CDH4: variants seen among roughly 807,000 people sequenced by gnomAD.
CDH4 encodes cadherin-4.
In CDH4, 33 loss-of-function variants were observed where a neutral mutation model predicts 86.0. That is an observed-to-expected ratio of 0.38 (90% confidence interval 0.29 to 0.51). CDH4 has a LOEUF of 0.51. CDH4 is among the 20% of genes least tolerant of loss of function. The pLI, the probability that CDH4 is intolerant of heterozygous loss-of-function variation, is 0.86. For missense variants in CDH4, 1,114 were observed against 1,307.4 expected (o/e 0.85, Z 2.28); for synonymous variants, 555 against 549.4 (o/e 1.01, Z -0.14).
chr20:61,816,369 C>T (rs1367567287), intron 4 of CDH4, among the ~76,000 whole-genome samples: 1 of 152,132 alleles, frequency 6.6e-6, no homozygotes, highest in East Asian at 1.9e-4. Flanking sequence ...AGCTGAGATT[C>T]TTAGGAAAAA....
At chr20:61,641,708 C>T (rs1418785294) in intron 2 of CDH4, among the ~76,000 whole-genome samples, 1 of 37,784 alleles carries the variant, frequency 2.6e-5, no homozygotes, top group African/African-American at 1.4e-4. Context: ...ACCACAGCAC[C>T]CAGGACACCT....
At chr20:61,439,774 G>T (rs2085304811) in intron 2 of CDH4, among the ~76,000 whole-genome samples, 1 of 152,252 alleles carries the variant, frequency 6.6e-6, no homozygotes, top group South Asian at 2.1e-4. Flanking sequence ...CAGAGGGGTA[G>T]GATTCGAGGC....
chr20:61,793,365 G>A (rs1979318249), intron 4 of CDH4, among the ~76,000 whole-genome samples: 1 of 152,178 alleles, frequency 6.6e-6, no homozygotes, highest in East Asian at 1.9e-4. Context: ...ATGGATGGTG[G>A]CCCTCCAAAG....
intron 2 of CDH4, among the ~76,000 whole-genome samples, chr20:61,552,475 G>A (rs1052437124): frequency 5.3e-5 from 8 of 152,192 alleles, no homozygotes; most frequent in East Asian, 1.9e-4. Context: ...CGAGGTGGGC[G>A]GATCACCTGA....
At chr20:61,362,370 T>G (rs1157919855) in intron 2 of CDH4, among the ~76,000 whole-genome samples, 2 of 149,158 alleles carry the variant, frequency 1.3e-5, no homozygotes, top group Non-Finnish European at 3.0e-5. Flanking sequence ...TAGGACAGCA[T>G]AGGGCAGGGC....
intron 6 of CDH4, among the ~76,000 whole-genome samples, chr20:61,872,033 G>T (rs780065947): frequency 6.6e-6 from 1 of 152,194 alleles, no homozygotes; most frequent in East Asian, 1.9e-4. Flanking sequence ...AGGGCGAGGT[G>T]GGGGAGGGGC....
chr20:61,661,252 C>T (rs2087254278), intron 2 of CDH4, among the ~76,000 whole-genome samples: 1 of 152,190 alleles, frequency 6.6e-6, no homozygotes, highest in African/African-American at 2.4e-5. Context: ...GGCCAGCACC[C>T]CCCAGGCTCT....
intron 2 of CDH4, among the ~76,000 whole-genome samples, chr20:61,736,797 A>T (rs934935731): frequency 1.3e-5 from 2 of 151,962 alleles, no homozygotes; most frequent in African/African-American, 2.4e-5. Context: ...TCATGAGGTC[A>T]CCCGGGGCGG....
At chr20:61,463,408 G>A (rs1436702672) in intron 2 of CDH4, among the ~76,000 whole-genome samples, 1 of 152,202 alleles carries the variant, frequency 6.6e-6, no homozygotes, top group Non-Finnish European at 1.5e-5. Context: ...ACCAAGTGAG[G>A]TGAGGCCCCA....
chr20:61,554,832 G>A (rs533348681), intron 2 of CDH4, among the ~76,000 whole-genome samples: 65 of 152,302 alleles, frequency 4.3e-4, no homozygotes, highest in South Asian at 1.0e-3. Flanking sequence ...GAGTATGTTC[G>A]CATCTGTGCA....
At position 61,532,744 on chromosome 20, in the gene CDH4, G is replaced by A. The variant is rs555675763; in HGVS notation, c.170-210819G>A. ...GACGGGTTCTCTGGCCGGGTTCTAG[G>A]GGAGATTGGGGAAGGTGTTTTGGCG... On this transcript the variant is annotated intron_variant, in intron 2 of 15. Coordinates refer to ENST00000614565, the MANE Select transcript of CDH4 (RefSeq NM_001794.5). Among the ~76,000 whole-genome samples the A allele has an allele frequency of 1.5e-3, 232 of 152,298 alleles. 1 individual carries two copies. The highest frequency in any genetic ancestry group is 2.4e-3 in the Non-Finnish European group (166 of 68,016).
At chr20:61,527,147 A>G (rs903682666) in intron 2 of CDH4, among the ~76,000 whole-genome samples, 1 of 152,256 alleles carries the variant, frequency 6.6e-6, no homozygotes, top group Non-Finnish European at 1.5e-5. Context: ...ACCCCTCTGC[A>G]CTTTGACAAG....
At chr20:61,612,132 T>C (rs1463126303) in intron 2 of CDH4, among the ~76,000 whole-genome samples, 1 of 152,138 alleles carries the variant, frequency 6.6e-6, no homozygotes, top group Non-Finnish European at 1.5e-5. Flanking sequence ...TTCAAGTACT[T>C]GCAATAATTT....
chr20:61,311,047 C>T (rs554343533), intron 2 of CDH4, among the ~76,000 whole-genome samples: 14 of 152,300 alleles, frequency 9.2e-5, no homozygotes, highest in East Asian at 1.9e-4. Flanking sequence ...ACAGTGGAGG[C>T]GGGTGGTGTC....
At chr20:61,602,086 T>C (rs2086605533) in intron 2 of CDH4, among the ~76,000 whole-genome samples, 2 of 152,192 alleles carry the variant, frequency 1.3e-5, no homozygotes, top group African/African-American at 2.4e-5. Flanking sequence ...CGCCGTGCCC[T>C]GCTGCCTGGC....
intron 2 of CDH4, among the ~76,000 whole-genome samples, chr20:61,666,036 A>G (rs1412690101): frequency 3.3e-5 from 5 of 152,144 alleles, no homozygotes; most frequent in African/African-American, 1.2e-4. Context: ...ATCCCATACC[A>G]TCCAGCCAGC....
intron 7 of CDH4, among the ~76,000 whole-genome samples, chr20:61,877,898 C>A (rs1048327818): frequency 1.3e-5 from 2 of 152,074 alleles, no homozygotes; most frequent in Non-Finnish European, 2.9e-5. Flanking sequence ...TGTGACAACG[C>A]GTCTTTGGCT....
intron 2 of CDH4, among the ~76,000 whole-genome samples, chr20:61,637,035 G>T (rs985008376): frequency 6.6e-6 from 1 of 152,212 alleles, no homozygotes; most frequent in South Asian, 2.1e-4. Flanking sequence ...GGGTCCATTC[G>T]GGGGCAGGCA....
chr20:61,769,290 C>T (rs2145981051), intron 3 of CDH4, among the ~76,000 whole-genome samples: 1 of 152,330 alleles, frequency 6.6e-6, no homozygotes. Flanking sequence ...TAGGTGAGAC[C>T]TAGGAACCTG....
Sources: allele counts gnomAD v4.1 joint callset (sites outside exome capture counted in the v4.1 genomes callset), GRCh38; gene constraint gnomAD v4.1.1; transcripts MANE v1.5; gene names NCBI Gene and HGNC (gene_info 2026-07-23, HGNC 2026-07-21).